PLCB4: variants seen among roughly 807,000 people sequenced by gnomAD.
PLCB4 encodes the protein phospholipase C beta 4.
A neutral mutation model predicts 178.8 loss-of-function variants in PLCB4; 77 were observed. The observed-to-expected ratio is 0.43, with a 90% CI of 0.36 to 0.52. The LOEUF (loss-of-function observed/expected upper bound fraction) is 0.52, where lower values mean the gene tolerates loss of function less well. Among genes scored for constraint, PLCB4 ranks in the 20% least tolerant of loss-of-function variants. The probability of loss-of-function intolerance (pLI) is 0.00; values close to 1 mark genes in which losing one functional copy is unlikely to be tolerated. For missense variants in PLCB4, 1,024 were observed against 1,453.4 expected (o/e 0.70, Z 4.80); for synonymous variants, 496 against 490.8 (o/e 1.01, Z -0.14).
rs757638459 is a variant in PLCB4 at position 9,423,851 on chromosome 20, A to T, written c.2423A>T (p.Tyr808Phe). 8 of 1,613,712 alleles carry T rather than the reference A, an allele frequency of 5.0e-6. No homozygotes were observed. Among genetic ancestry groups the T allele is most frequent in the Non-Finnish European group, 6.8e-6 (8 of 1,179,738 alleles). The change falls in exon 28 of 40, where the codon TAT (tyrosine) becomes TTT (phenylalanine). Residue 808 changes from tyrosine (Y) to phenylalanine (F), a missense_variant. By Grantham distance (22) the Tyr-to-Phe change is conservative. Transcript: ENST00000378473. Reference sequence around the variant, plus strand: ...CCGCTTGATGGCCTCCAAGCCGGATATCGACACATTTCCCTTCGAAATGAG... The same window carrying T: ...CCGCTTGATGGCCTCCAAGCCGGATTTCGACACATTTCCCTTCGAAATGAG... ...ILPLDGLQAG[Y>F]RHISLRNEGN...
intron 3 of PLCB4, among the ~76,000 whole-genome samples, chr20:9,243,014 T>C (rs139390531): frequency 1.3e-5 from 2 of 152,206 alleles, no homozygotes; most frequent in African/African-American, 4.8e-5. Context: ...TATATTTGAA[T>C]TTCAGATCAT....
Position 9,477,449 on chromosome 20 carries a change from A to G in PLCB4, c.3532+696A>G, listed in dbSNP as rs191681807. Among the ~76,000 whole-genome samples the G allele has an allele frequency of 2.6e-3, 403 of 152,284 alleles. 4 individuals are homozygous for G. Among genetic ancestry groups the G allele is most frequent in the Non-Finnish European group, 4.3e-3 (293 of 68,008 alleles). On this transcript the variant is annotated intron_variant, in intron 39 of 39. Transcript: ENST00000378473. ...GTAATGTCCTATGATTCTTCCTTCT[A>G]CACCGTGGTCAATACTTTCTTCAGA... is the stretch of plus-strand genomic sequence containing the variant.
intron 2 of PLCB4, among the ~76,000 whole-genome samples, chr20:9,138,152 G>C (rs1056143540): frequency 6.6e-6 from 1 of 152,042 alleles, no homozygotes; most frequent in Non-Finnish European, 1.5e-5. Flanking sequence ...ATAAGAGGAG[G>C]AATGGCATGA....
intron 33 of PLCB4, among the ~76,000 whole-genome samples, chr20:9,455,770 T>C (rs2043019564): frequency 6.6e-6 from 1 of 152,178 alleles, no homozygotes; most frequent in Admixed American, 6.5e-5. Context: ...TACTTCAAAA[T>C]CAGACATCAG....
At chr20:9,463,098 G>A (rs1323541200) in intron 35 of PLCB4, among the ~76,000 whole-genome samples, 1 of 152,172 alleles carries the variant, frequency 6.6e-6, no homozygotes, top group Non-Finnish European at 1.5e-5. Context: ...CCAGAAGAAA[G>A]TAGGGGCCAA....
At chr20:9,386,458 G>C (rs1165732942) in intron 14 of PLCB4, among the ~76,000 whole-genome samples, 1 of 151,876 alleles carries the variant, frequency 6.6e-6, no homozygotes, top group Non-Finnish European at 1.5e-5. Flanking sequence ...TTTTTTCTTG[G>C]TTATAAATTA....
At chr20:9,398,505 G>A (rs959749531) in intron 19 of PLCB4, among the ~76,000 whole-genome samples, 2 of 152,110 alleles carry the variant, frequency 1.3e-5, no homozygotes, top group African/African-American at 4.8e-5. Flanking sequence ...AAATTTCATA[G>A]ATGGTAATTA....
At chr20:9,362,114 G>A (rs2035394814) in intron 7 of PLCB4, among the ~76,000 whole-genome samples, 1 of 152,180 alleles carries the variant, frequency 6.6e-6, no homozygotes, top group Admixed American at 6.5e-5. Flanking sequence ...TAACCCAAAT[G>A]TCAATTTGCT....
intron 3 of PLCB4, among the ~76,000 whole-genome samples, chr20:9,268,052 TC>T (rs978899730): frequency 2.0e-5 from 3 of 152,174 alleles, no homozygotes; most frequent in Non-Finnish European, 2.9e-5. Context: ...TTGGGACTTC[TC>T]CACCTCCATA....
intron 3 of PLCB4, among the ~76,000 whole-genome samples, chr20:9,277,743 C>T (rs2094462314): frequency 6.6e-6 from 1 of 151,748 alleles, no homozygotes; most frequent in African/African-American, 2.4e-5. Context: ...CCGAGGGTAC[C>T]CAAGTACTGT....
Position 9,480,750 on chromosome 20 carries a change from G to A in PLCB4, c.*1741G>A, listed in dbSNP as rs1203711648. On this transcript the variant is annotated 3_prime_UTR_variant, in exon 40 of 40. Transcript: ENST00000378473. ...GTGGAGTTAGACTACATATCTTTTG[G>A]CACTAACATCTCATGAAAAATTATG... is the stretch of plus-strand genomic sequence containing the variant. The A allele has an allele frequency of 6.6e-6, 1 of 151,932 alleles. No individual in the cohort carries two copies. Among genetic ancestry groups the A allele is most frequent in the Non-Finnish European group, 1.5e-5 (1 of 68,010 alleles). The allele number at this position is 151,932 out of a possible 1,614,324, so 9.4% of individuals were successfully genotyped here.
At chr20:9,270,720 A>C (rs188699657) in intron 3 of PLCB4, among the ~76,000 whole-genome samples, 3 of 152,158 alleles carry the variant, frequency 2.0e-5, no homozygotes, top group Non-Finnish European at 4.4e-5. Context: ...GGGTAGGATC[A>C]AGAAAATTAG....
chr20:9,371,190 G>A (rs2036224681), intron 9 of PLCB4, 24 bp from the exon 10 acceptor site: 4 of 1,413,316 alleles, frequency 2.8e-6, no homozygotes, highest in Non-Finnish European at 4.0e-6. Flanking sequence ...ACTGGAATGT[G>A]TGTTTCTTTC....
intron 38 of PLCB4, among the ~76,000 whole-genome samples, chr20:9,474,491 C>A (rs2044410728): frequency 1.3e-5 from 2 of 152,080 alleles, no homozygotes; most frequent in African/African-American, 4.8e-5. Flanking sequence ...GTTATTATTC[C>A]TAGGTAATTC....
intron 2 of PLCB4, among the ~76,000 whole-genome samples, chr20:9,184,923 AT>A (rs896635239): frequency 6.6e-6 from 1 of 152,118 alleles, no homozygotes; most frequent in African/African-American, 2.4e-5. Context: ...CTATTTATGT[AT>A]TTATTTATTT....
intron 2 of PLCB4, among the ~76,000 whole-genome samples, chr20:9,165,834 T>TG (rs1568875950): frequency 6.7e-6 from 1 of 149,920 alleles, no homozygotes; most frequent in Non-Finnish European, 1.5e-5. Context: ...TGTGTGTGTG[T>TG]TACCATGTTA....
intron 30 of PLCB4, among the ~76,000 whole-genome samples, chr20:9,438,378 A>G (rs2041910312): frequency 1.3e-5 from 2 of 151,808 alleles, no homozygotes; most frequent in Admixed American, 6.6e-5. Context: ...AAAAAAAAAA[A>G]AAAAAGAAAG....
intron 32 of PLCB4, among the ~76,000 whole-genome samples, chr20:9,451,062 A>G (rs934919316): frequency 6.6e-6 from 1 of 152,060 alleles, no homozygotes; most frequent in African/African-American, 2.4e-5. Flanking sequence ...TCCTCTTGCT[A>G]TTTTCCTATG....
intron 2 of PLCB4, among the ~76,000 whole-genome samples, chr20:9,110,680 G>A (rs2091542454): frequency 6.6e-6 from 1 of 152,086 alleles, no homozygotes; most frequent in South Asian, 2.1e-4. Context: ...TCTACATGTG[G>A]CAATCTACAG....
Sources: gnomAD v4.1 joint callset for allele counts (sites outside exome capture counted in the v4.1 genomes callset) on GRCh38, gnomAD v4.1.1 for gene constraint, MANE v1.5 for transcripts, NCBI Gene and HGNC (gene_info 2026-07-23, HGNC 2026-07-21) for gene names.